Variants in CDK14 observed in about 807,000 individuals in gnomAD.
The protein encoded by CDK14 is cyclin-dependent kinase 14.
A neutral mutation model predicts 60.7 loss-of-function variants in CDK14; 34 were observed. The observed-to-expected ratio is 0.56, with a 90% CI of 0.43 to 0.75. CDK14 has a LOEUF of 0.75. Ranked by LOEUF, CDK14 falls within the 30% of genes least tolerant of loss-of-function variation. CDK14 has a pLI of 0.00. For synonymous variants in CDK14, 197 were observed against 203.7 expected (o/e 0.97, Z 0.28); for missense variants, 482 against 564.1 (o/e 0.85, Z 1.47).
intron 5 of CDK14, among the ~76,000 whole-genome samples, chr7:90,859,866 G>T (rs1339890769): frequency 6.6e-6 from 1 of 152,056 alleles, no homozygotes; most frequent in African/African-American, 2.4e-5. Flanking sequence ...TCAGCAACTA[G>T]ATTCTGAATA....
chr7:90,772,967 G>C lies in CDK14; in HGVS notation c.465-17606G>C, dbSNP rs77332379. On this transcript the variant is annotated intron_variant, in intron 4 of 14. Coordinates refer to ENST00000380050, the MANE Select transcript of CDK14 (RefSeq NM_001287135.2). ...ACTCTGAATAGTAAGATTACTATTG[G>C]TGAAAAATTTTTCTGTACTGACCAA... Among the ~76,000 whole-genome samples the C allele has an allele frequency of 2.3e-3, 347 of 152,160 alleles. 10 individuals carry two copies. The East Asian group carries it at 0.054, about 23-fold the overall frequency.
At chr7:91,146,049 A>C (rs969205165) in intron 14 of CDK14, among the ~76,000 whole-genome samples, 1 of 152,204 alleles carries the variant, frequency 6.6e-6, no homozygotes, top group Non-Finnish European at 1.5e-5. Flanking sequence ...CTGTGCAGTT[A>C]TCTCTCAAAA....
intron 8 of CDK14, among the ~76,000 whole-genome samples, chr7:90,950,398 T>C (rs936281150): frequency 2.0e-5 from 3 of 152,194 alleles, no homozygotes; most frequent in African/African-American, 7.2e-5. Context: ...TTAATAAAGG[T>C]AGATCATTTA....
intron 3 of CDK14, among the ~76,000 whole-genome samples, chr7:90,728,788 C>T (rs1216398503): frequency 6.6e-6 from 1 of 152,070 alleles, no homozygotes; most frequent in Non-Finnish European, 1.5e-5. Flanking sequence ...TGATTGGAAG[C>T]TCTGTGCCTG....
In CDK14 at chr7:90,596,622, G is replaced by A; in HGVS notation, c.-6G>A. The stretch of plus-strand genomic sequence containing the variant: ...GGGGAAGTTGTCGGGGCTCCGCGTC[G>A]CCCAGATGTGTGACCTCATTGAGCC... On this transcript the variant is annotated 5_prime_UTR_variant, in exon 1 of 15. Coordinates refer to ENST00000380050, the MANE Select transcript of CDK14 (RefSeq NM_001287135.2). The A allele has an allele frequency of 6.2e-7, 1 of 1,611,440 alleles. No individual in the cohort carries two copies. The highest frequency in any genetic ancestry group is 8.5e-7 in the Non-Finnish European group (1 of 1,178,926).
Position 91,118,189 on chromosome 7 carries a change from A to G in CDK14, c.*9A>G, listed in dbSNP as rs540453439. ...CAAACAGCAAGCACTGACAAGCAGC[A>G]CATTCTCAAGAGCACACAGGTAAGA... is the stretch of plus-strand genomic sequence containing the variant. On this transcript the variant is annotated 3_prime_UTR_variant, in exon 14 of 15. Coordinates refer to ENST00000380050, the MANE Select transcript of CDK14 (RefSeq NM_001287135.2). The G allele has an allele frequency of 4.5e-6, 7 of 1,554,820 alleles. 1 individual carries two copies. In the African/African-American group the frequency reaches 9.5e-5, roughly 21 times the overall value.
intron 14 of CDK14, among the ~76,000 whole-genome samples, chr7:91,171,180 T>G (rs1801505453): frequency 6.6e-6 from 1 of 151,840 alleles, no homozygotes. Context: ...AAACCCCATC[T>G]CTACTAAAAA....
intron 2 of CDK14, among the ~76,000 whole-genome samples, chr7:90,642,576 C>T (rs749948869): frequency 5.3e-5 from 8 of 151,930 alleles, no homozygotes; most frequent in Non-Finnish European, 8.8e-5. Flanking sequence ...GACAGGGTTT[C>T]GCCATGTTGG....
At chr7:90,778,846 A>ATCTTCCTTCCTTCCTTCCTTCCTTCCTT (rs1554335028) in intron 4 of CDK14, among the ~76,000 whole-genome samples, 13 of 127,972 alleles carry the variant, frequency 1.0e-4, no homozygotes, top group African/African-American at 3.4e-4. Flanking sequence ...AAATTGACCG[A>ATCTTCCTTCCTTCCTTCCTTCCTTCCTT]CCTTCCTTCC....
intron 4 of CDK14, among the ~76,000 whole-genome samples, chr7:90,769,958 A>G (rs144311884): frequency 2.4e-4 from 36 of 152,286 alleles, no homozygotes; most frequent in African/African-American, 8.4e-4. Context: ...ATAAACATGA[A>G]TTTTCCTCAA....
At chr7:90,731,508 T>C (rs933980885) in intron 3 of CDK14, among the ~76,000 whole-genome samples, 1 of 152,192 alleles carries the variant, frequency 6.6e-6, no homozygotes, top group African/African-American at 2.4e-5. Context: ...TTTGTCCTCT[T>C]ATTTCTTTCA....
chr7:91,068,832 A>G, intron 11 of CDK14, among the ~76,000 whole-genome samples: 1 of 95,618 alleles, frequency 1.0e-5, no homozygotes, highest in East Asian at 4.3e-4. Context: ...AAAAAAAAAA[A>G]GCCCATACCA....
chr7:90,638,814 G>A (rs1458138556), intron 2 of CDK14, among the ~76,000 whole-genome samples: 1 of 151,762 alleles, frequency 6.6e-6, no homozygotes, highest in Non-Finnish European at 1.5e-5. Flanking sequence ...ATATTTCTTG[G>A]AGGCTTTGTT....
Position 90,646,981 on chromosome 7 carries a change from G to A in CDK14, c.123+42732G>A, listed in dbSNP as rs911829076. On this transcript the variant is annotated intron_variant, in intron 2 of 14. Coordinates refer to ENST00000380050, the MANE Select transcript of CDK14 (RefSeq NM_001287135.2). ...ACTCACACCCTCATCTGAAATGTCT[G>A]TTTTTCCACCTTTACCCTTGTTGCA... Among the ~76,000 whole-genome samples, 6 of 152,064 alleles carry A rather than the reference G, an allele frequency of 3.9e-5. No individual in the cohort carries two copies. In the East Asian group the frequency reaches 1.2e-3, roughly 29 times the overall value.
chr7:90,731,167 T>C (rs1802850928), intron 3 of CDK14, among the ~76,000 whole-genome samples: 1 of 152,184 alleles, frequency 6.6e-6, no homozygotes, highest in African/African-American at 2.4e-5. Flanking sequence ...TGGTTGTAGA[T>C]GTGTGGTGTT....
intron 4 of CDK14, among the ~76,000 whole-genome samples, chr7:90,789,907 A>G (rs1212050290): frequency 6.6e-6 from 1 of 152,110 alleles, no homozygotes; most frequent in African/African-American, 2.4e-5. Flanking sequence ...CTTACTTTTA[A>G]TTGGCGCCAA....
intron 5 of CDK14, among the ~76,000 whole-genome samples, chr7:90,799,816 ATACAGAGGGTTGTGT>A (rs201677798): frequency 0.015 from 2,331 of 151,820 alleles, 21 homozygotes; most frequent in Middle Eastern, 0.027. Flanking sequence ...TTTTCATTTC[ATACAGAGGGTTGTGT>A]TATTGCCATT....
At chr7:90,832,661 T>A (rs567104202) in intron 5 of CDK14, among the ~76,000 whole-genome samples, 1 of 152,304 alleles carries the variant, frequency 6.6e-6, no homozygotes, top group South Asian at 2.1e-4. Context: ...TATTGAAGTA[T>A]CATTGATAAG....
At chr7:91,180,174 A>G (rs1474954636) in intron 14 of CDK14, among the ~76,000 whole-genome samples, 1 of 152,160 alleles carries the variant, frequency 6.6e-6, no homozygotes, top group Non-Finnish European at 1.5e-5. Flanking sequence ...GATTAACGCA[A>G]TCAGAGATCC....
Sources: allele counts gnomAD v4.1 joint callset (sites outside exome capture counted in the v4.1 genomes callset), GRCh38; gene constraint gnomAD v4.1.1; transcripts MANE v1.5; gene names NCBI Gene and HGNC (gene_info 2026-07-23, HGNC 2026-07-21).